Variants in CEP170 observed in about 807,000 individuals in gnomAD.
CEP170 encodes the protein centrosomal protein 170.
In CEP170, 21 loss-of-function variants were observed where a neutral mutation model predicts 151.9. The observed-to-expected ratio is 0.14, with a 90% CI of 0.10 to 0.20. CEP170 has a LOEUF of 0.20. Among genes scored for constraint, CEP170 ranks in the 10% least tolerant of loss-of-function variants. CEP170 has a pLI of 1.00. For missense variants in CEP170, 964 were observed against 1,892.9 expected (o/e 0.51, Z 9.11); for synonymous variants, 356 against 648.8 (o/e 0.55, Z 6.86).
At chr1:243,131,619 A>C (rs1258604989) in intron 17 of CEP170, among the ~76,000 whole-genome samples, 1 of 152,050 alleles carries the variant, frequency 6.6e-6, no homozygotes, top group African/African-American at 2.4e-5. Flanking sequence ...ATAATATTTA[A>C]TATTTAAATA....
chr1:243,242,911 G>C (rs2065000187), intron 1 of CEP170, among the ~76,000 whole-genome samples: 1 of 152,040 alleles, frequency 6.6e-6, no homozygotes, highest in Admixed American at 6.5e-5. Context: ...TGCTGGTCAG[G>C]CTGGTCTCCA....
chr1:243,137,668 G>A (rs1190313436), intron 16 of CEP170, among the ~76,000 whole-genome samples: 2 of 151,870 alleles, frequency 1.3e-5, no homozygotes, highest in African/African-American at 2.4e-5. Context: ...CCAGCTACTC[G>A]GGAGGCTAAG....
chr1:243,199,762 A>T (rs1260425859), intron 6 of CEP170, among the ~76,000 whole-genome samples: 17 of 151,668 alleles, frequency 1.1e-4, no homozygotes, highest in Non-Finnish European at 2.4e-4. Context: ...CTATTCATTT[A>T]AAAACTTGTT....
intron 13 of CEP170, among the ~76,000 whole-genome samples, chr1:243,162,108 TGG>T (rs2058112692): frequency 6.6e-6 from 1 of 152,296 alleles, no homozygotes; most frequent in African/African-American, 2.4e-5. Flanking sequence ...GAATATAAAC[TGG>T]GTAAAACATC....
intron 7 of CEP170, among the ~76,000 whole-genome samples, chr1:243,195,088 T>G (rs964682717): frequency 5.3e-5 from 8 of 151,910 alleles, no homozygotes; most frequent in African/African-American, 1.9e-4. Context: ...TTATAACAGC[T>G]CATTCTGCTT....
intron 1 of CEP170, among the ~76,000 whole-genome samples, chr1:243,244,484 T>C (rs2065171268): frequency 2.6e-5 from 4 of 152,320 alleles, no homozygotes; most frequent in Admixed American, 2.6e-4. Context: ...GGCTCACGCC[T>C]GTAATCACAG....
intron 1 of CEP170, among the ~76,000 whole-genome samples, chr1:243,240,428 G>A (rs1034727460): frequency 1.3e-5 from 2 of 152,134 alleles, no homozygotes; most frequent in African/African-American, 2.4e-5. Context: ...TCACCATCAC[G>A]GTTAGACGTT....
At chr1:243,240,582 A>G (rs987247405) in intron 1 of CEP170, among the ~76,000 whole-genome samples, 4 of 151,892 alleles carry the variant, frequency 2.6e-5, no homozygotes, top group African/African-American at 9.7e-5. Context: ...TCTAGGCTTC[A>G]TACCTGAAGA....
intron 2 of CEP170, among the ~76,000 whole-genome samples, chr1:243,222,328 C>T (rs11810701): frequency 0.016 from 2,406 of 152,206 alleles, 70 homozygotes; most frequent in African/African-American, 0.055. Context: ...CTGGAATTCA[C>T]GGGACAGCTC....
chr1:243,196,659 T>G (rs966541165), intron 7 of CEP170, among the ~76,000 whole-genome samples: 2 of 152,122 alleles, frequency 1.3e-5, no homozygotes, highest in African/African-American at 4.8e-5. Flanking sequence ...GATAATTATA[T>G]TCAGCTATGT....
intron 7 of CEP170, among the ~76,000 whole-genome samples, chr1:243,197,694 A>G (rs757406199): frequency 6.6e-6 from 1 of 152,112 alleles, no homozygotes; most frequent in Non-Finnish European, 1.5e-5. Flanking sequence ...TGAGAGACGG[A>G]GAGAAGCTAG....
At chr1:243,145,713 T>C (rs1229023141) in intron 14 of CEP170, among the ~76,000 whole-genome samples, 3 of 152,106 alleles carry the variant, frequency 2.0e-5, no homozygotes, top group Non-Finnish European at 4.4e-5. Flanking sequence ...GGGCTATTAA[T>C]GAAGTATACT....
At chr1:243,138,249 C>T (rs2055373208) in intron 16 of CEP170, among the ~76,000 whole-genome samples, 1 of 152,014 alleles carries the variant, frequency 6.6e-6, no homozygotes, top group Non-Finnish European at 1.5e-5. Flanking sequence ...TCTTCCTAGA[C>T]ATCGGGACAG....
chr1:243,149,971 T>G (rs2056904546), intron 14 of CEP170, among the ~76,000 whole-genome samples: 1 of 152,024 alleles, frequency 6.6e-6, no homozygotes, highest in Non-Finnish European at 1.5e-5. Flanking sequence ...TTGAAAAACA[T>G]AAACCACAGT....
chr1:243,181,782 C>T (rs2059631575), intron 10 of CEP170, among the ~76,000 whole-genome samples: 1 of 152,164 alleles, frequency 6.6e-6, no homozygotes, highest in Non-Finnish European at 1.5e-5. Context: ...TTCCAAGATG[C>T]TACATATTCC....
intron 3 of CEP170, among the ~76,000 whole-genome samples, chr1:243,212,718 C>T (rs565364177): frequency 3.3e-5 from 5 of 152,070 alleles, no homozygotes; most frequent in East Asian, 3.9e-4. Context: ...TTCAGGGTCG[C>T]GGTGGTGCGA....
intron 7 of CEP170, among the ~76,000 whole-genome samples, chr1:243,193,862 G>A (rs2060469441): frequency 6.6e-6 from 1 of 151,766 alleles, no homozygotes; most frequent in South Asian, 2.1e-4. Flanking sequence ...CTTCCCATAA[G>A]ATTGTTGTGA....
At chr1:243,133,935 T>C (rs2054723606) in intron 17 of CEP170, among the ~76,000 whole-genome samples, 1 of 152,244 alleles carries the variant, frequency 6.6e-6, no homozygotes, top group Non-Finnish European at 1.5e-5. Flanking sequence ...ATTCAACTAA[T>C]TTAATTTCTC....
intron 3 of CEP170, among the ~76,000 whole-genome samples, chr1:243,213,282 C>G (rs1380065028): frequency 6.6e-6 from 1 of 152,008 alleles, no homozygotes; most frequent in South Asian, 2.1e-4. Flanking sequence ...TATCTTACTG[C>G]AGTGGCCAAA....
Sources: gnomAD v4.1 joint callset for allele counts (sites outside exome capture counted in the v4.1 genomes callset) on GRCh38, gnomAD v4.1.1 for gene constraint, MANE v1.5 for transcripts, NCBI Gene and HGNC (gene_info 2026-07-23, HGNC 2026-07-21) for gene names.